Variants in DPP10 observed in about 807,000 individuals in gnomAD.
DPP10 encodes the protein inactive dipeptidyl peptidase 10.
DPP10 carries 33 observed loss-of-function variants against 120.9 expected under a neutral mutation model. The observed-to-expected ratio is 0.27, with a 90% CI of 0.21 to 0.37. The LOEUF (loss-of-function observed/expected upper bound fraction) is 0.37. DPP10 is among the 10% of genes least tolerant of loss of function. The probability of loss-of-function intolerance (pLI) is 1.00; values close to 1 mark genes in which losing one functional copy is unlikely to be tolerated. For missense variants in DPP10, 816 were observed against 942.8 expected (o/e 0.87, Z 1.76); for synonymous variants, 337 against 326.1 (o/e 1.03, Z -0.36).
intron 5 of DPP10, among the ~76,000 whole-genome samples, chr2:115,625,923 A>G (rs2085319779): frequency 6.6e-6 from 1 of 152,044 alleles, no homozygotes; most frequent in African/African-American, 2.4e-5. Flanking sequence ...TGTTTCACAA[A>G]TAAGGAAAAA....
At chr2:115,612,362 T>C (rs1194699803) in intron 5 of DPP10, among the ~76,000 whole-genome samples, 1 of 152,208 alleles carries the variant, frequency 6.6e-6, no homozygotes, top group Non-Finnish European at 1.5e-5. Flanking sequence ...TGCTTTAGTT[T>C]AATGTGATCA....
At chr2:114,811,906 A>G (rs1685205243) in intron 1 of DPP10, among the ~76,000 whole-genome samples, 1 of 152,218 alleles carries the variant, frequency 6.6e-6, no homozygotes, top group South Asian at 2.1e-4. Flanking sequence ...TTTCAAGAAC[A>G]AAAGCTCTCA....
intron 7 of DPP10, among the ~76,000 whole-genome samples, chr2:115,695,812 G>A (rs1363815406): frequency 1.3e-5 from 2 of 152,064 alleles, no homozygotes; most frequent in Admixed American, 1.3e-4. Flanking sequence ...CACTCAAAGG[G>A]ATAAAAGACC....
At chr2:115,086,279 C>A (rs556021776) in intron 1 of DPP10, among the ~76,000 whole-genome samples, 2 of 152,082 alleles carry the variant, frequency 1.3e-5, no homozygotes, top group Admixed American at 6.5e-5. Context: ...TTGGTCTCTA[C>A]GATCTTTTAT....
chr2:115,717,416 A>G (rs2092531473), intron 7 of DPP10, among the ~76,000 whole-genome samples: 1 of 152,098 alleles, frequency 6.6e-6, no homozygotes, highest in African/African-American at 2.4e-5. Context: ...AAATAAGAGG[A>G]CAGGCTTTGG....
In DPP10 at chr2:115,768,309, G is replaced by A. The variant is rs763564362; in HGVS notation, c.1126G>A (p.Val376Met). The A allele has an allele frequency of 4.5e-5, 72 of 1,613,306 alleles. No homozygotes were observed. Among genetic ancestry groups the A allele is most frequent in the Middle Eastern group, 1.6e-4 (1 of 6,076 alleles). Reference protein sequence around the residue: ...TWLSQQNEEPVFSRDGSKFFM... With the variant: ...TWLSQQNEEPMFSRDGSKFFM... ...TTCTGTATTTTAGAATGAGGAGCCC[G>A]TGTTTTCTAGAGACGGCAGCAAATT... is the stretch of plus-strand genomic sequence containing the variant. Residue 376 changes from valine to methionine, a missense_variant, in exon 13 of 26, where the codon GTG (valine) becomes ATG (methionine). By Grantham distance (21) the Val-to-Met change is conservative. This residue lies in a region of DPP10 where 592 missense variants were observed against 649.0 expected (regional missense o/e 0.91). Transcript: ENST00000410059.
At chr2:114,945,755 A>G (rs1697300064) in intron 1 of DPP10, among the ~76,000 whole-genome samples, 1 of 151,894 alleles carries the variant, frequency 6.6e-6, no homozygotes, top group African/African-American at 2.4e-5. Context: ...GGCAGAGATT[A>G]CAGTGAGCCG....
At chr2:114,595,474 T>C (rs1422141162) in intron 1 of DPP10, among the ~76,000 whole-genome samples, 1 of 152,158 alleles carries the variant, frequency 6.6e-6, no homozygotes, top group Non-Finnish European at 1.5e-5. Flanking sequence ...GGTCCATGCC[T>C]ATAAAGCCAA....
chr2:114,782,886 A>C (rs780173990), intron 1 of DPP10, among the ~76,000 whole-genome samples: 1 of 152,102 alleles, frequency 6.6e-6, no homozygotes, highest in African/African-American at 2.4e-5. Flanking sequence ...CAGCTTAAAA[A>C]CACTCCTCAG....
intron 1 of DPP10, among the ~76,000 whole-genome samples, chr2:115,220,028 A>G (rs2057054215): frequency 6.6e-6 from 1 of 152,186 alleles, no homozygotes; most frequent in African/African-American, 2.4e-5. Flanking sequence ...CTGAACACTT[A>G]CTGTGATCTT....
At chr2:114,745,393 A>AT (rs2106007349) in intron 1 of DPP10, among the ~76,000 whole-genome samples, 1 of 152,304 alleles carries the variant, frequency 6.6e-6, no homozygotes, top group East Asian at 1.9e-4. Flanking sequence ...GCAATGATAG[A>AT]TTTTGTTGTA....
intron 1 of DPP10, among the ~76,000 whole-genome samples, chr2:115,185,802 T>C (rs1188113938): frequency 6.6e-6 from 1 of 152,216 alleles, no homozygotes; most frequent in African/African-American, 2.4e-5. Flanking sequence ...CTGAACAATA[T>C]TAAACATGTA....
At chr2:115,712,676 T>G (rs2092369351) in intron 7 of DPP10, among the ~76,000 whole-genome samples, 1 of 149,544 alleles carries the variant, frequency 6.7e-6, no homozygotes, top group Non-Finnish European at 1.5e-5. Context: ...ATATTTGGCT[T>G]TGTAAGACAA....
At chr2:115,499,455 T>A (rs537382794) in intron 3 of DPP10, 55 bp from the exon 4 acceptor site, 1 of 1,395,128 alleles carries the variant, frequency 7.2e-7, no homozygotes, top group African/African-American at 1.4e-5. Context: ...CCCCTACAGT[T>A]ACTATATTAT....
intron 1 of DPP10, among the ~76,000 whole-genome samples, chr2:115,285,461 A>G (rs1228229355): frequency 1.3e-5 from 2 of 152,080 alleles, no homozygotes; most frequent in African/African-American, 4.8e-5. Context: ...AGTTCCTTTC[A>G]GTGTATATTA....
chr2:114,623,056 G>T (rs975413659), intron 1 of DPP10, among the ~76,000 whole-genome samples: 1 of 152,026 alleles, frequency 6.6e-6, no homozygotes, highest in South Asian at 2.1e-4. Flanking sequence ...AAAAATGTAA[G>T]GCTAAAGTGA....
chr2:115,625,670 C>A (rs780799409), intron 5 of DPP10, among the ~76,000 whole-genome samples: 1 of 151,964 alleles, frequency 6.6e-6, no homozygotes, highest in Non-Finnish European at 1.5e-5. Flanking sequence ...TCTACAACTC[C>A]ATGTTTAGGC....
intron 1 of DPP10, among the ~76,000 whole-genome samples, chr2:114,812,467 C>T (rs966628941): frequency 1.3e-5 from 2 of 151,742 alleles, no homozygotes; most frequent in Non-Finnish European, 2.9e-5. Flanking sequence ...ATGTGCCTGT[C>T]GTTCCAGCTA....
intron 5 of DPP10, among the ~76,000 whole-genome samples, chr2:115,641,168 C>T (rs1448974312): frequency 6.6e-6 from 1 of 152,172 alleles, no homozygotes; most frequent in Non-Finnish European, 1.5e-5. Flanking sequence ...GCCATCATTT[C>T]TACCAGTTTA....
Sources: allele counts gnomAD v4.1 joint callset (sites outside exome capture counted in the v4.1 genomes callset), GRCh38; gene constraint gnomAD v4.1.1; regional missense constraint gnomAD v4.1.1; transcripts MANE v1.5; gene names NCBI Gene and HGNC (gene_info 2026-07-23, HGNC 2026-07-21).